Variants in ZMYM4 observed in about 807,000 individuals in gnomAD.
ZMYM4 encodes zinc finger MYM-type protein 4.
In ZMYM4, 31 loss-of-function variants were observed where a neutral mutation model predicts 183.2. That is an observed-to-expected ratio of 0.17 (90% confidence interval 0.13 to 0.23). The LOEUF is 0.23. ZMYM4 is among the 10% of genes least tolerant of loss of function. The probability of loss-of-function intolerance (pLI) is 1.00; values close to 1 mark genes in which losing one functional copy is unlikely to be tolerated. For synonymous variants in ZMYM4, 592 were observed against 631.2 expected (o/e 0.94, Z 0.93); for missense variants, 1,273 against 1,840.3 (o/e 0.69, Z 5.64).
Position 35,359,390 on chromosome 1 carries a change from A to G in ZMYM4, c.551A>G (p.Asp184Gly), listed in dbSNP as rs769187239. The change falls in exon 3 of 30, where the codon GAT (aspartate) becomes GGT (glycine). Residue 184 changes from aspartate (D) to glycine (G), a missense_variant. Around this residue, in one of 6 missense-constraint regions of ZMYM4, gnomAD observed 384 missense variants for 465.6 expected, o/e 0.82. Coordinates refer to ENST00000314607, the MANE Select transcript of ZMYM4 (RefSeq NM_005095.3). ...ACTTATGAACGTGAAAAACGGTTGG[A>G]TAAACCCCATAAAGATTTGGATTCA... is the stretch of plus-strand genomic sequence containing the variant. ...DLTYEREKRL[D>G]KPHKDLDSRL... 6.3e-7 allele frequency: 1 copy of G among 1,584,708 alleles called. No homozygotes were observed. Among genetic ancestry groups the G allele is most frequent in the South Asian group, 1.2e-5 (1 of 84,906 alleles).
chr1:35,313,594 G>T (rs1190207188), intron 1 of ZMYM4, among the ~76,000 whole-genome samples: 2 of 151,426 alleles, frequency 1.3e-5, no homozygotes, highest in Non-Finnish European at 2.9e-5. Flanking sequence ...TCACCAGGTT[G>T]CCCAGGTTGG....
intron 1 of ZMYM4, among the ~76,000 whole-genome samples, chr1:35,289,876 T>C (rs1024759231): frequency 6.6e-5 from 10 of 152,210 alleles, no homozygotes; most frequent in African/African-American, 2.4e-4. Flanking sequence ...ATTCTATGTA[T>C]AATAGCTGCT....
At chr1:35,318,061 T>G (rs1422629793) in intron 1 of ZMYM4, among the ~76,000 whole-genome samples, 5 of 147,584 alleles carry the variant, frequency 3.4e-5, no homozygotes, top group Non-Finnish European at 6.0e-5. Flanking sequence ...GCAGTTTTTT[T>G]TTTTTTTTTT....
intron 23 of ZMYM4, chr1:35,400,277 C>T (rs1304400243): frequency 1.1e-4 from 15 of 135,704 alleles, no homozygotes; most frequent in African/African-American, 4.0e-4. Flanking sequence ...TCTCGGCTCA[C>T]TGCAAGCTCC....
At chr1:35,277,202 A>AGAGCCCATTG (rs1262970074) in intron 1 of ZMYM4, among the ~76,000 whole-genome samples, 1 of 152,166 alleles carries the variant, frequency 6.6e-6, no homozygotes, top group South Asian at 2.1e-4. Context: ...CATGAGGTAA[A>AGAGCCCATTG]ATGTCATCAT....
At chr1:35,333,098 A>G (rs1421877564) in intron 2 of ZMYM4, among the ~76,000 whole-genome samples, 3 of 152,158 alleles carry the variant, frequency 2.0e-5, no homozygotes, top group African/African-American at 7.2e-5. Context: ...GTAAAATAAA[A>G]TCTGCTGTCA....
intron 15 of ZMYM4, among the ~76,000 whole-genome samples, chr1:35,391,038 A>G (rs1030362079): frequency 1.3e-5 from 2 of 152,204 alleles, no homozygotes; most frequent in Non-Finnish European, 2.9e-5. Flanking sequence ...GCCTCTAAAA[A>G]ATTAAAATAA....
intron 2 of ZMYM4, among the ~76,000 whole-genome samples, chr1:35,327,139 G>A (rs770538562): frequency 2.3e-4 from 35 of 152,218 alleles, no homozygotes; most frequent in Non-Finnish European, 3.4e-4. Context: ...GGGATTACAG[G>A]CGTGAGCCAC....
intron 4 of ZMYM4, 142 bp from the exon 5 acceptor site, chr1:35,361,471 ATTACTT>A: frequency 9.8e-7 from 1 of 1,016,178 alleles, no homozygotes; most frequent in African/African-American, 1.6e-5. Context: ...ATATAACACA[ATTACTT>A]TTAGGCGTAG....
At chr1:35,382,181 T>TAC (rs59402643) in intron 9 of ZMYM4, among the ~76,000 whole-genome samples, 6,579 of 133,456 alleles carry the variant, frequency 0.049, 182 homozygotes, top group Non-Finnish European at 0.069. Flanking sequence ...TATACACACA[T>TAC]ACACACACAC....
intron 23 of ZMYM4, 98 bp downstream of exon 23, chr1:35,399,674 A>C (rs1644868469): frequency 8.0e-7 from 1 of 1,242,334 alleles, no homozygotes. Flanking sequence ...AGCCAGAGTC[A>C]GGTAGTTCCA....
chr1:35,415,534 A>G lies in ZMYM4; in HGVS notation c.4129A>G (p.Ile1377Val), dbSNP rs750871238. Residue 1377 changes from isoleucine (I) to valine (V), a missense_variant, in exon 28 of 30, where the codon ATC (isoleucine) becomes GTC (valine). Physicochemically the swap from Ile to Val is conservative, Grantham distance 29 (BLOSUM62 3). Around this residue, in one of 6 missense-constraint regions of ZMYM4, gnomAD observed 145 missense variants for 331.6 expected, o/e 0.44. Coordinates refer to ENST00000314607, the MANE Select transcript of ZMYM4 (RefSeq NM_005095.3). Reference sequence around the variant, plus strand: ...CAAACAGCTGGGCGCTTACTCACCAATCGTCCTTTTAAACACCCTCCTTTT... The same window carrying G: ...CAAACAGCTGGGCGCTTACTCACCAGTCGTCCTTTTAAACACCCTCCTTTT... ...ECKQLGAYSP[I>V]VLLNTLLFFN... 14 of 1,614,188 alleles carry G rather than the reference A, an allele frequency of 8.7e-6. No individual in the cohort carries two copies. The highest frequency in any genetic ancestry group is 1.1e-5 in the South Asian group (1 of 91,084).
chr1:35,270,766 G>A (rs1039710009), intron 1 of ZMYM4, among the ~76,000 whole-genome samples: 1 of 152,018 alleles, frequency 6.6e-6, no homozygotes. Flanking sequence ...GACAGAGGGA[G>A]GCACTGTCTC....
At chr1:35,327,168 C>T (rs1172867055) in intron 2 of ZMYM4, among the ~76,000 whole-genome samples, 2 of 152,196 alleles carry the variant, frequency 1.3e-5, no homozygotes, top group Non-Finnish European at 2.9e-5. Context: ...GGCTTTGTTT[C>T]TCTCTTCAGT....
intron 1 of ZMYM4, among the ~76,000 whole-genome samples, chr1:35,286,872 C>T (rs1428616798): frequency 7.2e-6 from 1 of 139,844 alleles, no homozygotes; most frequent in Non-Finnish European, 1.5e-5. Context: ...TCAAGCAGTC[C>T]TCCACCTCTG....
chr1:35,381,619 C>T lies in ZMYM4; in HGVS notation c.1430C>T (p.Ser477Phe), dbSNP rs751631472. 1.2e-6 allele frequency: 2 copies of T among 1,614,186 alleles called. No homozygotes were observed. Among genetic ancestry groups the T allele is most frequent in the Non-Finnish European group, 1.7e-6 (2 of 1,180,044 alleles). ...GATGCCTGCTTCTCTAAGTTTCGTT[C>T]TGCTAACAACCTCACCATGAACTGT... ...CSDACFSKFRSANNLTMNCCE... is the reference protein window; with the variant it reads ...CSDACFSKFRFANNLTMNCCE... Residue 477 changes from serine (S) to phenylalanine (F), a missense_variant, in exon 9 of 30, where the codon TCT becomes TTT. Coordinates refer to ENST00000314607, the MANE Select transcript of ZMYM4 (RefSeq NM_005095.3).
At chr1:35,363,950 TC>T (rs530452403) in intron 5 of ZMYM4, among the ~76,000 whole-genome samples, 102 of 152,218 alleles carry the variant, frequency 6.7e-4, no homozygotes, top group Middle Eastern at 3.4e-3. Flanking sequence ...ATGTGACACT[TC>T]CTTGGGACAA....
intron 1 of ZMYM4, among the ~76,000 whole-genome samples, chr1:35,290,431 C>T (rs1640705427): frequency 1.3e-5 from 2 of 151,902 alleles, no homozygotes; most frequent in Non-Finnish European, 2.9e-5. Context: ...ATCTTATTTA[C>T]TTACTTAGTT....
At chr1:35,399,150 G>T (rs1644858755) in intron 22 of ZMYM4, 107 bp downstream of exon 22, 1 of 1,136,064 alleles carries the variant, frequency 8.8e-7, no homozygotes, top group Admixed American at 2.4e-5. Context: ...TAATAACAGT[G>T]TAATGTGTTA....
Sources: gnomAD v4.1 joint callset for allele counts (sites outside exome capture counted in the v4.1 genomes callset) on GRCh38, gnomAD v4.1.1 for gene constraint, gnomAD v4.1.1 regional missense constraint, MANE v1.5 for transcripts, NCBI Gene and HGNC (gene_info 2026-07-23, HGNC 2026-07-21) for gene names.